WASHC5: variants seen among roughly 807,000 people sequenced by gnomAD.
WASHC5 encodes the protein WASH complex subunit strumpellin.
In WASHC5, 101 loss-of-function variants were observed where a neutral mutation model predicts 150.4. The ratio of observed to expected loss-of-function variants is 0.67; its 90% CI spans 0.57 to 0.79. The LOEUF is 0.79. WASHC5 is among the 30% of genes least tolerant of loss of function. WASHC5 has a pLI of 0.00. For missense variants in WASHC5, 1,195 were observed against 1,396.3 expected (o/e 0.86, Z 2.30); for synonymous variants, 467 against 491.2 (o/e 0.95, Z 0.65).
chr8:125,068,664 C>T (rs1816818044), intron 9 of WASHC5, among the ~76,000 whole-genome samples: 1 of 152,162 alleles, frequency 6.6e-6, no homozygotes, highest in Admixed American at 6.5e-5. Flanking sequence ...GTTCCTCACA[C>T]AAAGATGAGG....
chr8:125,065,885 G>A (rs1266770890), intron 10 of WASHC5, among the ~76,000 whole-genome samples: 1 of 152,144 alleles, frequency 6.6e-6, no homozygotes, highest in Non-Finnish European at 1.5e-5. Flanking sequence ...CCAAAGTGCT[G>A]GGATTACAGG....
intron 17 of WASHC5, among the ~76,000 whole-genome samples, chr8:125,051,390 AGGTCATAAAGGCAATTAATG>A (rs1394357785): frequency 1.3e-5 from 2 of 152,224 alleles, no homozygotes; most frequent in East Asian, 3.8e-4. Context: ...TTATTTTAAA[AGGTCATAAAGGCAATTAATG>A]GGTTCCATCC....
intron 21 of WASHC5, 96 bp from the exon 22 acceptor site, chr8:125,044,190 G>A: frequency 4.7e-6 from 4 of 857,672 alleles, no homozygotes; most frequent in South Asian, 4.3e-5. Context: ...CAGAGGCTGG[G>A]CCTAAGTCAC....
rs554929269 is a variant in WASHC5, at chr8:125,052,339, T to G, written c.2098-1674A>C. On this transcript the variant is annotated intron_variant, in intron 17 of 28. Coordinates refer to ENST00000318410, the MANE Select transcript of WASHC5 (RefSeq NM_014846.4). ...CATTCTCACTAATCTGTGGAAGTGT[T>G]CACAGCTAAGAGAAAGCCATCTTCA... is the stretch of plus-strand genomic sequence containing the variant. Among the ~76,000 whole-genome samples the G allele has an allele frequency of 3.3e-5, 5 of 152,258 alleles. No homozygotes were observed. The South Asian group carries it at 6.2e-4, about 19-fold the overall frequency.
chr8:125,060,266 C>CTCAA, intron 12 of WASHC5, among the ~76,000 whole-genome samples: 1 of 152,310 alleles, frequency 6.6e-6, no homozygotes, highest in East Asian at 1.9e-4. Flanking sequence ...GCAGGTGGAT[C>CTCAA]ACCTGAGGTC....
chr8:125,052,980 A>G (rs1816288259), intron 17 of WASHC5, among the ~76,000 whole-genome samples: 1 of 152,184 alleles, frequency 6.6e-6, no homozygotes. Context: ...TCCAACACAA[A>G]GCCTATTTTA....
intron 27 of WASHC5, among the ~76,000 whole-genome samples, chr8:125,029,579 C>G (rs4007685): frequency 0.38 from 58,037 of 151,990 alleles, 13,077 homozygotes; most frequent in African/African-American, 0.62. Context: ...GCATATTTGA[C>G]GGTATCAAAT....
At chr8:125,076,695 A>T (rs1030783000) in intron 6 of WASHC5, among the ~76,000 whole-genome samples, 195 bp from the exon 7 acceptor site, 4 of 149,140 alleles carry the variant, frequency 2.7e-5, no homozygotes, top group African/African-American at 1.0e-4. Flanking sequence ...CTAACACCAT[A>T]ATATTCTCTT....
At chr8:125,037,470 T>C in intron 25 of WASHC5, 137 bp from the exon 26 acceptor site, 1 of 676,608 alleles carries the variant, frequency 1.5e-6, no homozygotes, top group Non-Finnish European at 2.7e-6. Flanking sequence ...GTTCCATTAA[T>C]TTGCTGCCTT....
At chr8:125,027,069 G>T (rs556229922) in intron 28 of WASHC5, among the ~76,000 whole-genome samples, 3 of 151,986 alleles carry the variant, frequency 2.0e-5, no homozygotes, top group Admixed American at 6.6e-5. Flanking sequence ...TCTTATAGAG[G>T]TTATTCTTAG....
At chr8:125,068,494 T>A (rs1816812697) in intron 9 of WASHC5, among the ~76,000 whole-genome samples, 1 of 152,176 alleles carries the variant, frequency 6.6e-6, no homozygotes, top group Non-Finnish European at 1.5e-5. Flanking sequence ...TCCTCCAAAT[T>A]CACTCCGTGT....
intron 7 of WASHC5, 24 bp downstream of exon 7, chr8:125,076,324 A>AG (rs1563632507): frequency 6.2e-7 from 1 of 1,610,846 alleles, no homozygotes; most frequent in Admixed American, 1.7e-5. Context: ...TTTACTGTAG[A>AG]GGAAAAAAAT....
chr8:125,045,107 A>C (rs1414267501), intron 20 of WASHC5: 2 of 209,818 alleles, frequency 9.5e-6, no homozygotes, highest in Non-Finnish European at 1.9e-5. Flanking sequence ...CATTTGATAA[A>C]AAAGGAACCT....
intron 28 of WASHC5, 43 bp downstream of exon 28, chr8:125,028,577 T>G (rs1368147585): frequency 3.7e-5 from 53 of 1,416,508 alleles, no homozygotes; most frequent in Non-Finnish European, 5.3e-5. Flanking sequence ...TATTAGCATC[T>G]TTTTACAACT....
chr8:125,069,553 T>C (rs904753355), intron 9 of WASHC5, among the ~76,000 whole-genome samples: 16 of 152,334 alleles, frequency 1.1e-4, no homozygotes, highest in Non-Finnish European at 1.9e-4. Flanking sequence ...AACAATGTTG[T>C]ATAGATATAT....
At chr8:125,064,385 AT>A (rs36114959) in intron 10 of WASHC5, among the ~76,000 whole-genome samples, 69,596 of 137,854 alleles carry the variant, frequency 0.5, 18,630 homozygotes, top group African/African-American at 0.78. Context: ...TTATTTATTT[AT>A]TTTTTTTTTT....
intron 24 of WASHC5, among the ~76,000 whole-genome samples, chr8:125,039,381 C>T (rs1255654481): frequency 1.3e-5 from 2 of 152,164 alleles, no homozygotes; most frequent in African/African-American, 4.8e-5. Context: ...AACACACTTC[C>T]AACTGCCCTC....
At position 125,049,174 on chromosome 8, in the gene WASHC5, C is replaced by CA. The variant is rs1586351386; in HGVS notation, c.2210dup (p.Leu737PhefsTer20). ...CTCCCAACTCTTTCAGCTTGGGCAT[C>CA]AATTCACTTGGCTGTGGAAAAGGGG... On this transcript the variant is annotated frameshift_variant, in exon 19 of 29. Coordinates refer to ENST00000318410, the MANE Select transcript of WASHC5 (RefSeq NM_014846.4). LOFTEE classifies it high-confidence loss of function. 1 of 1,614,088 alleles carries CA rather than the reference C, an allele frequency of 6.2e-7. No individual in the cohort carries two copies. The highest frequency in any genetic ancestry group is 8.5e-7 in the Non-Finnish European group (1 of 1,180,000).
chr8:125,027,129 AT>A (rs1563604974), intron 28 of WASHC5, among the ~76,000 whole-genome samples: 1 of 152,044 alleles, frequency 6.6e-6, no homozygotes, highest in Non-Finnish European at 1.5e-5. Flanking sequence ...TTCACACTGT[AT>A]TTTTTAATCG....
Sources: allele counts gnomAD v4.1 joint callset (sites outside exome capture counted in the v4.1 genomes callset), GRCh38; gene constraint gnomAD v4.1.1; transcripts MANE v1.5; gene names NCBI Gene and HGNC (gene_info 2026-07-23, HGNC 2026-07-21).